The following MARCHF1 variants were observed in gnomAD, a reference collection of about 807,000 sequenced individuals.
MARCHF1 encodes the protein E3 ubiquitin-protein ligase MARCHF1.
In MARCHF1, 40 loss-of-function variants were observed where a neutral mutation model predicts 54.2. The ratio of observed to expected loss-of-function variants is 0.74; its 90% CI spans 0.57 to 0.96. The LOEUF (loss-of-function observed/expected upper bound fraction) is 0.96. Among genes scored for constraint, MARCHF1 ranks in the 40% least tolerant of loss-of-function variants. The pLI is 0.00. For missense variants in MARCHF1, 586 were observed against 656.5 expected (o/e 0.89, Z 1.17); for synonymous variants, 236 against 236.3 (o/e 1.00, Z 0.01).
intron 5 of MARCHF1, among the ~76,000 whole-genome samples, chr4:163,695,048 T>C (rs1313657094): frequency 3.3e-5 from 5 of 152,166 alleles, no homozygotes; most frequent in Non-Finnish European, 7.3e-5. Flanking sequence ...TAAAGGTATA[T>C]AGTCTGAAGG....
At position 163,908,384 on chromosome 4, in the gene MARCHF1, T is replaced by C. The variant is rs77399113; in HGVS notation, c.-38-54215A>G. Among the ~76,000 whole-genome samples, 1,066 of 152,150 alleles carry C rather than the reference T, an allele frequency of 7.0e-3. 12 individuals carry two copies. Among genetic ancestry groups the C allele is most frequent in the East Asian group, 0.035 (181 of 5,180 alleles). On this transcript the variant is annotated intron_variant, in intron 3 of 9. Coordinates refer to ENST00000514618, the MANE Select transcript of MARCHF1 (RefSeq NM_001394959.1). ...AGAGAGAGGAGAAAAAGAGAGAAGATTTTATGCTGATTCATATTTTCAGAG... is the reference window on the plus strand; with the variant it reads ...AGAGAGAGGAGAAAAAGAGAGAAGACTTTATGCTGATTCATATTTTCAGAG...
intron 8 of MARCHF1, chr4:163,555,850 T>G (rs1486097273): frequency 2.3e-6 from 1 of 436,782 alleles, no homozygotes; most frequent in Non-Finnish European, 4.7e-6. Flanking sequence ...GCCTCTTACC[T>G]CTTCAGTGAA....
intron 3 of MARCHF1, among the ~76,000 whole-genome samples, chr4:163,861,830 T>C (rs1749942711): frequency 6.6e-6 from 1 of 150,692 alleles, no homozygotes; most frequent in Non-Finnish European, 1.5e-5. Flanking sequence ...AAATTTACTA[T>C]AAAGTTACAG....
intron 4 of MARCHF1, among the ~76,000 whole-genome samples, chr4:163,817,893 T>G (rs1224642503): frequency 7.5e-6 from 1 of 133,134 alleles, no homozygotes; most frequent in African/African-American, 2.9e-5. Context: ...TTCTCACTCA[T>G]AGATGGGAAT....
chr4:164,153,126 AT>A (rs1553987280), intron 1 of MARCHF1, among the ~76,000 whole-genome samples: 1 of 330 alleles, frequency 3.0e-3, no homozygotes, highest in Non-Finnish European at 4.6e-3. Flanking sequence ...TCAACAGAGA[AT>A]ATATATATAT....
intron 3 of MARCHF1, among the ~76,000 whole-genome samples, chr4:163,887,582 C>G (rs978329845): frequency 2.6e-5 from 4 of 152,086 alleles, no homozygotes; most frequent in African/African-American, 9.7e-5. Flanking sequence ...AAGTGATGCA[C>G]ATGAACATGA....
At chr4:164,190,159 A>C in intron 1 of MARCHF1, 1 of 1,558,982 alleles carries the variant, frequency 6.4e-7, no homozygotes, top group African/African-American at 1.4e-5. Context: ...ACCATGGAAA[A>C]AGCTGTAGAA....
chr4:164,181,243 C>T (rs2111013964), intron 1 of MARCHF1, among the ~76,000 whole-genome samples: 1 of 152,264 alleles, frequency 6.6e-6, no homozygotes, highest in South Asian at 2.1e-4. Flanking sequence ...GACTAATTAA[C>T]TCCCACTCTC....
rs142525832 is a variant in MARCHF1, at chr4:164,364,699, T to C, written c.-323+19171A>G. ...TTCTCTTGAACAATTTTCCTTTTTT[T>C]TTTTAAATAAAAAGACAATTCCTTC... is the stretch of plus-strand genomic sequence containing the variant. On this transcript the variant is annotated intron_variant, in intron 1 of 9. Coordinates refer to ENST00000514618, the MANE Select transcript of MARCHF1 (RefSeq NM_001394959.1). Among the ~76,000 whole-genome samples, 166 of 152,038 alleles carry C rather than the reference T, an allele frequency of 1.1e-3. 1 individual carries two copies. The highest frequency in any genetic ancestry group is 3.7e-3 in the African/African-American group (155 of 41,566).
intron 4 of MARCHF1, among the ~76,000 whole-genome samples, chr4:163,828,463 G>T (rs1371029370): frequency 1.3e-5 from 2 of 152,016 alleles, no homozygotes; most frequent in Non-Finnish European, 2.9e-5. Context: ...AGCTGAATGG[G>T]GGGCACATTT....
chr4:164,078,366 C>A (rs957355903), intron 2 of MARCHF1, among the ~76,000 whole-genome samples: 1 of 151,912 alleles, frequency 6.6e-6, no homozygotes, highest in Non-Finnish European at 1.5e-5. Context: ...TATCACACAC[C>A]GGGGTCTGCA....
intron 1 of MARCHF1, among the ~76,000 whole-genome samples, chr4:164,177,890 A>T (rs35184354): frequency 0.045 from 6,892 of 152,158 alleles, 217 homozygotes; most frequent in Middle Eastern, 0.15. Flanking sequence ...GTACTTCTGC[A>T]TGTGTCAGAT....
chr4:164,349,868 A>G (rs756436285), intron 1 of MARCHF1, among the ~76,000 whole-genome samples: 29 of 152,354 alleles, frequency 1.9e-4, no homozygotes, highest in Admixed American at 7.8e-4. Context: ...AGAGATTTCA[A>G]ACATACAGAA....
intron 2 of MARCHF1, among the ~76,000 whole-genome samples, chr4:163,999,794 G>A (rs1753151037): frequency 6.6e-6 from 1 of 151,378 alleles, no homozygotes; most frequent in South Asian, 2.1e-4. Flanking sequence ...AATTTAATTT[G>A]TTCCCCAACA....
chr4:163,929,364 A>G (rs1324575889), intron 3 of MARCHF1, among the ~76,000 whole-genome samples: 7 of 152,086 alleles, frequency 4.6e-5, no homozygotes, highest in Non-Finnish European at 2.9e-5. Context: ...GTGCCTGTAC[A>G]GAGAACAAAA....
intron 2 of MARCHF1, among the ~76,000 whole-genome samples, chr4:163,993,694 A>G (rs1207526862): frequency 6.6e-6 from 1 of 152,164 alleles, no homozygotes. Context: ...GAACATCATC[A>G]CAAACTGAGT....
chr4:163,894,830 T>C (rs62653442), intron 3 of MARCHF1, among the ~76,000 whole-genome samples: 3,128 of 22,360 alleles, frequency 0.14, 522 homozygotes, highest in East Asian at 0.56. Flanking sequence ...TGCATATATA[T>C]ATGCATGTGA....
intron 1 of MARCHF1, among the ~76,000 whole-genome samples, chr4:164,127,052 T>TCAAAACAAAAAACAAAACAAAACAAAA (rs1756198999): frequency 6.6e-6 from 1 of 150,466 alleles, no homozygotes; most frequent in Admixed American, 6.7e-5. Context: ...AAACTCCGTC[T>TCAAAACAAAAAACAAAACAAAACAAAA]CAAAACAAAA....
chr4:163,755,555 A>G (rs1309266023), intron 4 of MARCHF1, among the ~76,000 whole-genome samples: 4 of 152,102 alleles, frequency 2.6e-5, no homozygotes, highest in Non-Finnish European at 5.9e-5. Context: ...CTTGTTGGGT[A>G]TGACACTAAC....
Sources: allele counts gnomAD v4.1 joint callset (sites outside exome capture counted in the v4.1 genomes callset), GRCh38; gene constraint gnomAD v4.1.1; transcripts MANE v1.5; gene names NCBI Gene and HGNC (gene_info 2026-07-23, HGNC 2026-07-21).